The following WIPI2 variants were observed in gnomAD, a reference collection of about 807,000 sequenced individuals.
The protein encoded by WIPI2 is WD repeat domain phosphoinositide-interacting protein 2.
A neutral mutation model predicts 52.3 loss-of-function variants in WIPI2; 28 were observed. The ratio of observed to expected loss-of-function variants is 0.54; its 90% CI spans 0.40 to 0.73. The LOEUF (loss-of-function observed/expected upper bound fraction) is 0.73. WIPI2 is among the 30% of genes least tolerant of loss of function. WIPI2 has a pLI of 0.00. For missense variants in WIPI2, 506 were observed against 602.9 expected, an observed-to-expected ratio of 0.84 and a Z score of 1.68; for synonymous variants, 268 against 245.0, an observed-to-expected ratio of 1.09 and a Z score of -0.88.
intron 7 of WIPI2, 111 bp downstream of exon 7, chr7:5,218,125 G>T: frequency 8.6e-7 from 1 of 1,160,522 alleles, no homozygotes; most frequent in Non-Finnish European, 1.3e-6. Flanking sequence ...CCAGCTCCGG[G>T]AGAAGCAAAG....
chr7:5,209,124 T>G (rs1782436004), intron 3 of WIPI2, among the ~76,000 whole-genome samples: 1 of 151,962 alleles, frequency 6.6e-6, no homozygotes, highest in Non-Finnish European at 1.5e-5. Context: ...CACTGAGTTT[T>G]CCAGTTTGCT....
chr7:5,194,137 G>T (rs1053952462), intron 2 of WIPI2, among the ~76,000 whole-genome samples: 1 of 152,016 alleles, frequency 6.6e-6, no homozygotes, highest in Non-Finnish European at 1.5e-5. Context: ...TGAAAAAGCC[G>T]AGAAGGAGAG....
At chr7:5,212,704 G>T (rs1037548885) in intron 3 of WIPI2, among the ~76,000 whole-genome samples, 1 of 152,216 alleles carries the variant, frequency 6.6e-6, no homozygotes, top group Non-Finnish European at 1.5e-5. Context: ...TTTTTGTAGA[G>T]ATAGGACCTC....
chr7:5,228,017 C>T (rs1004200480), intron 10 of WIPI2, 87 bp from the exon 11 acceptor site: 14 of 1,304,494 alleles, frequency 1.1e-5, no homozygotes, highest in African/African-American at 1.5e-5. Flanking sequence ...GGGTCTCTTT[C>T]CTCGCCTGCC....
At chr7:5,199,495 G>A (rs898533260) in intron 2 of WIPI2, 81 bp from the exon 3 acceptor site, 25 of 1,265,954 alleles carry the variant, frequency 2.0e-5, no homozygotes, top group East Asian at 4.6e-5. Flanking sequence ...CTGGGAACTC[G>A]CTGGGAACGT....
In WIPI2 at chr7:5,231,160, T is replaced by G; in HGVS notation, c.*213T>G. ...TGGCTTTTAAATCCTGCTTATGAATTTTAGCTTTTTGTTTGTTTGTTTTCT... is the reference window on the plus strand; with the variant it reads ...TGGCTTTTAAATCCTGCTTATGAATGTTAGCTTTTTGTTTGTTTGTTTTCT... On this transcript the variant is annotated 3_prime_UTR_variant, in exon 13 of 13. Coordinates refer to ENST00000288828, the MANE Select transcript of WIPI2 (RefSeq NM_015610.4). The G allele has an allele frequency of 2.4e-6, 1 of 415,686 alleles. No homozygotes were observed. Among genetic ancestry groups the G allele is most frequent in the East Asian group, 3.6e-5 (1 of 27,810 alleles). 25.7% of individuals were successfully genotyped at this position (415,686 alleles called of 1,614,324 possible). A position where few individuals can be genotyped will look rare whatever the true frequency, so the allele number is the denominator to read the frequency against.
chr7:5,226,981 TC>T lies in WIPI2; in HGVS notation c.849-194del, dbSNP rs1387792007. The T allele has an allele frequency of 1.2e-5, 8 of 652,154 alleles. No homozygotes were observed. In the Admixed American group the frequency reaches 2.5e-4, roughly 20 times the overall value. 40.4% of individuals were successfully genotyped at this position (652,154 alleles called of 1,614,324 possible). On this transcript the variant is annotated intron_variant, in intron 9 of 12. Coordinates refer to ENST00000288828, the MANE Select transcript of WIPI2 (RefSeq NM_015610.4). ...CTCCTCCCTGAAGCCTGAGCACCCC[TC>T]CCCCGACACCTCCCAGAGGAAGCTC...
chr7:5,200,778 G>A (rs1399202278), intron 3 of WIPI2, among the ~76,000 whole-genome samples: 4 of 152,170 alleles, frequency 2.6e-5, no homozygotes, highest in Admixed American at 1.3e-4. Context: ...GCCTGCAGGT[G>A]CCCCTCACCT....
At chr7:5,219,823 T>TA (rs1309476047) in intron 7 of WIPI2, among the ~76,000 whole-genome samples, 4 of 151,954 alleles carry the variant, frequency 2.6e-5, no homozygotes. Flanking sequence ...AACCAAGTGT[T>TA]CTCAAGTACC....
At chr7:5,199,327 C>T (rs996970875) in intron 2 of WIPI2, among the ~76,000 whole-genome samples, 1 of 152,228 alleles carries the variant, frequency 6.6e-6, no homozygotes, top group African/African-American at 2.4e-5. Context: ...CAGGCATGAG[C>T]CACCACATCC....
At chr7:5,221,271 T>A (rs1036087500) in intron 7 of WIPI2, among the ~76,000 whole-genome samples, 1 of 152,054 alleles carries the variant, frequency 6.6e-6, no homozygotes, top group Admixed American at 6.5e-5. Flanking sequence ...CACACCCAGC[T>A]AATTCTTTTG....
intron 2 of WIPI2, among the ~76,000 whole-genome samples, chr7:5,193,811 C>T (rs983266974): frequency 5.9e-5 from 9 of 152,184 alleles, no homozygotes; most frequent in Non-Finnish European, 1.2e-4. Flanking sequence ...CTCCTGGCCT[C>T]ATGCGATCTT....
intron 3 of WIPI2, among the ~76,000 whole-genome samples, chr7:5,202,242 TAGAAA>T (rs1321930252): frequency 6.6e-6 from 1 of 152,196 alleles, no homozygotes; most frequent in African/African-American, 2.4e-5. Context: ...TTTGTTTACT[TAGAAA>T]AGAAAATTCA....
rs1562384541 is a variant in WIPI2 at position 5,197,111 on chromosome 7, C to CAAAAAAAAAAAAAAAAAAAAAAAAAAAAA, written c.129-2459_129-2458insAAAAAAAAAAAAAAAAAAAAAAAAAAAAA. On this transcript the variant is annotated intron_variant, in intron 2 of 12. Coordinates refer to ENST00000288828, the MANE Select transcript of WIPI2 (RefSeq NM_015610.4). ...TGCATGACAGAGCGGGACTCCGTCT[C>CAAAAAAAAAAAAAAAAAAAAAAAAAAAAA]AAAAAACAAAAAAAAAAAAAAAAAA... Among the ~76,000 whole-genome samples the CAAAAAAAAAAAAAAAAAAAAAAAAAAAAA allele has an allele frequency of 5.3e-5, 3 of 56,428 alleles. 1 individual carries two copies. Among genetic ancestry groups the CAAAAAAAAAAAAAAAAAAAAAAAAAAAAA allele is most frequent in the African/African-American group, 2.0e-4 (2 of 10,216 alleles). The allele number at this position is 56,428 out of a possible 152,430, so 37.0% of individuals were successfully genotyped here.
chr7:5,230,713 T>C lies in WIPI2; in HGVS notation c.1253-122T>C, dbSNP rs1783687559. 1 of 611,056 alleles carries C rather than the reference T, an allele frequency of 1.6e-6. No homozygotes were observed. The highest frequency in any genetic ancestry group is 2.7e-5 in the South Asian group (1 of 37,504). 37.9% of individuals were successfully genotyped at this position (611,056 alleles called of 1,614,324 possible). On this transcript the variant is annotated intron_variant, in intron 12 of 12. Transcript: ENST00000288828. This position sits in a 1 kb window ranked among gnomAD's most constrained non-coding sequence, Gnocchi z 4.8. ...GAAAGCAATCAGAATTCAGAACGTCTTAGTACAGGCTTCAGTTTATAAATA... is the reference window on the plus strand; with the variant it reads ...GAAAGCAATCAGAATTCAGAACGTCCTAGTACAGGCTTCAGTTTATAAATA...
chr7:5,228,176 G>A lies in WIPI2; in HGVS notation c.1086G>A (p.Gln362=). 2.5e-6 allele frequency: 4 copies of A among 1,613,752 alleles called. No individual in the cohort carries two copies. The highest frequency in any genetic ancestry group is 2.5e-6 in the Non-Finnish European group (3 of 1,179,994). The change falls in exon 11 of 13, where the codon CAG becomes CAA. Residue 362 remains glutamine (Q), a synonymous_variant. Coordinates refer to ENST00000288828, the MANE Select transcript of WIPI2 (RefSeq NM_015610.4). ...GYLYMYNLDP[Q]EGGECALMKQ... Reference sequence around the variant, plus strand: ...TGTACATGTACAACCTGGACCCCCAGGAGGGCGGCGAGTGTGCCCTGATGA... The same window carrying A: ...TGTACATGTACAACCTGGACCCCCAAGAGGGCGGCGAGTGTGCCCTGATGA...
intron 4 of WIPI2, among the ~76,000 whole-genome samples, chr7:5,215,170 G>A (rs1298940786): frequency 2.0e-5 from 3 of 152,182 alleles, no homozygotes; most frequent in Non-Finnish European, 4.4e-5. Context: ...AATTAGCCGG[G>A]CATGGTGGCA....
chr7:5,229,491 T>G, intron 11 of WIPI2, 117 bp from the exon 12 acceptor site: 2 of 1,285,108 alleles, frequency 1.6e-6, no homozygotes, highest in Non-Finnish European at 2.1e-6. Flanking sequence ...GATGAATGCC[T>G]GGCGTCCTGT....
In WIPI2 at chr7:5,216,567, T is replaced by G. The variant is rs780181462; in HGVS notation, c.386T>G (p.Leu129Arg). The G allele has an allele frequency of 6.2e-7, 1 of 1,614,156 alleles. No homozygotes were observed. The highest frequency in any genetic ancestry group is 8.5e-7 in the Non-Finnish European group (1 of 1,179,996). The change falls in exon 5 of 13, where the codon CTG (leucine) becomes CGG (arginine). Residue 129 changes from leucine (L) to arginine (R), a missense_variant. Coordinates refer to ENST00000288828, the MANE Select transcript of WIPI2 (RefSeq NM_015610.4). ...TTCGTTTTGTCTCTCGCCTAGAGGC[T>G]GATAGTATGCCTGGAGGAGTCCCTG... ...ILAVKLNRQR[L>R]IVCLEESLYI...
Sources: allele counts gnomAD v4.1 joint callset (sites outside exome capture counted in the v4.1 genomes callset), GRCh38; gene constraint gnomAD v4.1.1; non-coding constraint Gnocchi (gnomAD v3.1); transcripts MANE v1.5; gene names NCBI Gene and HGNC (gene_info 2026-07-23, HGNC 2026-07-21).